NRF1: variants seen among roughly 807,000 people sequenced by gnomAD.
NRF1 encodes the protein nuclear respiratory factor 1.
Under a neutral mutation model 58.5 loss-of-function variants are expected in NRF1, and 5 were observed. That is an observed-to-expected ratio of 0.09 (90% CI 0.04 to 0.18). The LOEUF is 0.18. NRF1 is among the 10% of genes least tolerant of loss of function. The probability of loss-of-function intolerance (pLI) is 1.00; values close to 1 mark genes in which losing one functional copy is unlikely to be tolerated. For missense variants in NRF1, 288 were observed against 657.7 expected, an observed-to-expected ratio of 0.44 and a Z score of 6.15; for synonymous variants, 224 against 246.7, an observed-to-expected ratio of 0.91 and a Z score of 0.86.
intron 4 of NRF1, among the ~76,000 whole-genome samples, chr7:129,689,739 G>A (rs973800672): frequency 2.6e-5 from 4 of 152,218 alleles, no homozygotes; most frequent in African/African-American, 9.6e-5. Flanking sequence ...AGCTAAAGGC[G>A]TCATGGGTTG....
intron 9 of NRF1, among the ~76,000 whole-genome samples, chr7:129,722,430 G>C (rs976273340): frequency 6.6e-5 from 10 of 151,960 alleles, no homozygotes. Context: ...AGTTTAGTTT[G>C]GTCGTTTCCC....
intron 1 of NRF1, among the ~76,000 whole-genome samples, chr7:129,654,957 A>C (rs755653789): frequency 6.6e-6 from 1 of 152,164 alleles, no homozygotes; most frequent in Non-Finnish European, 1.5e-5. Flanking sequence ...CTCTCCATGT[A>C]AACTTTAGTG....
intron 10 of NRF1, among the ~76,000 whole-genome samples, chr7:129,734,554 A>T (rs1803661210): frequency 6.6e-6 from 1 of 152,196 alleles, no homozygotes; most frequent in South Asian, 2.1e-4. Flanking sequence ...CTGTAGGGGT[A>T]CCCTGGAGGT....
chr7:129,746,390 A>G (rs1046167596), intron 10 of NRF1, among the ~76,000 whole-genome samples: 3 of 152,082 alleles, frequency 2.0e-5, no homozygotes, highest in Admixed American at 6.5e-5. Context: ...TGGTATTCTC[A>G]GCCTGTCTAA....
At chr7:129,699,876 A>G (rs1471604114) in intron 5 of NRF1, among the ~76,000 whole-genome samples, 2 of 151,984 alleles carry the variant, frequency 1.3e-5, no homozygotes, top group African/African-American at 4.8e-5. Context: ...GCAGTGGCTC[A>G]TGCCTGTAAT....
intron 1 of NRF1, among the ~76,000 whole-genome samples, chr7:129,627,575 T>G (rs542490793): frequency 2.0e-5 from 3 of 152,214 alleles, no homozygotes; most frequent in African/African-American, 7.2e-5. Context: ...GACTCCAAGT[T>G]TTTTGTCCTG....
At chr7:129,704,766 G>A (rs996662799) in intron 5 of NRF1, among the ~76,000 whole-genome samples, 1 of 152,114 alleles carries the variant, frequency 6.6e-6, no homozygotes, top group Non-Finnish European at 1.5e-5. Context: ...TTTTGACAGC[G>A]ACTTGAGGTC....
At chr7:129,612,533 G>C (rs577580459) in intron 1 of NRF1, among the ~76,000 whole-genome samples, 76 of 152,360 alleles carry the variant, frequency 5.0e-4, no homozygotes, top group African/African-American at 1.8e-3. Context: ...AAGTCCTTTT[G>C]TACGCAGAAA....
At chr7:129,661,929 C>CAGAT (rs1801789166) in intron 2 of NRF1, among the ~76,000 whole-genome samples, 1 of 150,732 alleles carries the variant, frequency 6.6e-6, no homozygotes, top group East Asian at 1.9e-4. Context: ...GGTGGACTTA[C>CAGAT]AGATCTATGT....
intron 1 of NRF1, among the ~76,000 whole-genome samples, chr7:129,618,994 G>A (rs1800712109): frequency 6.6e-6 from 1 of 152,096 alleles, no homozygotes; most frequent in Non-Finnish European, 1.5e-5. Context: ...GTGGCATCAT[G>A]TCAACACTCA....
At chr7:129,625,453 T>C (rs1225915425) in intron 1 of NRF1, among the ~76,000 whole-genome samples, 2 of 152,136 alleles carry the variant, frequency 1.3e-5, no homozygotes, top group African/African-American at 4.8e-5. Context: ...GCATGTTATT[T>C]AACTTTTCTG....
intron 1 of NRF1, among the ~76,000 whole-genome samples, chr7:129,612,174 G>A (rs1468971825): frequency 6.6e-6 from 1 of 150,966 alleles, no homozygotes; most frequent in Admixed American, 6.6e-5. Flanking sequence ...CGGCCTTCCC[G>A]CAGCTCGGGA....
chr7:129,724,211 T>C (rs1803398542), intron 9 of NRF1, among the ~76,000 whole-genome samples: 1 of 152,176 alleles, frequency 6.6e-6, no homozygotes, highest in African/African-American at 2.4e-5. Context: ...AAAAACTCTA[T>C]TCAAAAATGG....
intron 5 of NRF1, among the ~76,000 whole-genome samples, chr7:129,697,425 G>A (rs1802725003): frequency 1.3e-5 from 2 of 151,918 alleles, no homozygotes; most frequent in African/African-American, 4.8e-5. Flanking sequence ...GCACATGCCT[G>A]TAGTCCCAGC....
intron 5 of NRF1, among the ~76,000 whole-genome samples, chr7:129,696,773 G>A (rs1802709562): frequency 6.6e-6 from 1 of 152,142 alleles, no homozygotes; most frequent in African/African-American, 2.4e-5. Flanking sequence ...TCTAAAGAGA[G>A]TAAATTATAT....
intron 1 of NRF1, among the ~76,000 whole-genome samples, chr7:129,619,459 CGTGT>C (rs199945725): frequency 0.024 from 1,484 of 60,868 alleles, 98 homozygotes; most frequent in African/African-American, 0.089. Context: ...TATATATACA[CGTGT>C]GTGTGTGTGT....
intron 5 of NRF1, among the ~76,000 whole-genome samples, chr7:129,692,903 C>T (rs1802604175): frequency 6.6e-6 from 1 of 152,174 alleles, no homozygotes; most frequent in South Asian, 2.1e-4. Context: ...TGAGACAAGC[C>T]TTTCTTGATT....
chr7:129,636,030 G>T (rs561419939), intron 1 of NRF1, among the ~76,000 whole-genome samples: 2 of 152,046 alleles, frequency 1.3e-5, no homozygotes, highest in Non-Finnish European at 2.9e-5. Flanking sequence ...AATGTAACGG[G>T]CTTTTTCTCG....
chr7:129,703,723 A>G (rs1368491781), intron 5 of NRF1, among the ~76,000 whole-genome samples: 1 of 152,218 alleles, frequency 6.6e-6, no homozygotes, highest in African/African-American at 2.4e-5. Flanking sequence ...CAAATTTTAT[A>G]TGCTTGATAA....
Sources: allele counts gnomAD v4.1 joint callset (sites outside exome capture counted in the v4.1 genomes callset), GRCh38; gene constraint gnomAD v4.1.1; transcripts MANE v1.5; gene names NCBI Gene and HGNC (gene_info 2026-07-23, HGNC 2026-07-21).